FRAS1: variants seen among roughly 807,000 people sequenced by gnomAD.
FRAS1 encodes the protein extracellular matrix organizing protein FRAS1.
FRAS1 carries 290 observed loss-of-function variants against 435.2 expected under a neutral mutation model. The ratio of observed to expected loss-of-function variants is 0.67; its 90% CI spans 0.61 to 0.73. The LOEUF is 0.73. Among genes scored for constraint, FRAS1 ranks in the 30% least tolerant of loss-of-function variants. The pLI is 0.00. For synonymous variants in FRAS1, 1,800 were observed against 1,851.0 expected (o/e 0.97, Z 0.71); for missense variants, 4,860 against 5,001.5 (o/e 0.97, Z 0.85).
At chr4:78,105,823 T>C (rs1742388167) in intron 2 of FRAS1, among the ~76,000 whole-genome samples, 1 of 150,170 alleles carries the variant, frequency 6.7e-6, no homozygotes, top group East Asian at 1.9e-4. Flanking sequence ...TTTCTGCATT[T>C]CCATCTGAGG....
rs140454246 is a variant in FRAS1, at chr4:78,170,177, A to C, written c.109-67333A>C. Among the ~76,000 whole-genome samples, 456 of 152,152 alleles carry C rather than the reference A, an allele frequency of 3.0e-3. 1 individual carries two copies. The highest frequency in any genetic ancestry group is 0.02 in the Middle Eastern group (6 of 294). Reference sequence around the variant, plus strand: ...GCAACTAATTCGTTTCTTTCCTAGCACTTAGTCACAATTTGCCTTCATACC... The same window carrying C: ...GCAACTAATTCGTTTCTTTCCTAGCCCTTAGTCACAATTTGCCTTCATACC... On this transcript the variant is annotated intron_variant, in intron 2 of 73. Transcript: ENST00000512123.
intron 47 of FRAS1, among the ~76,000 whole-genome samples, chr4:78,459,582 A>G (rs982418479): frequency 6.6e-6 from 1 of 152,214 alleles, no homozygotes; most frequent in African/African-American, 2.4e-5. Context: ...TGTGAGACCA[A>G]CCAAAATAGG....
chr4:78,530,857 T>G (rs932905154), intron 70 of FRAS1, among the ~76,000 whole-genome samples: 14 of 152,202 alleles, frequency 9.2e-5, no homozygotes, highest in Admixed American at 5.2e-4. Context: ...TTAAAGTAGT[T>G]TTTTCTAATT....
chr4:78,284,492 G>T lies in FRAS1; in HGVS notation c.1343G>T (p.Gly448Val), dbSNP rs758286797. Residue 448 changes from glycine (G) to valine (V), a missense_variant, in exon 13 of 74, where the codon GGA becomes GTA. Transcript: ENST00000512123. ...CQDPTKLLQNGWCVHSCGLGF... is the reference protein window; with the variant it reads ...CQDPTKLLQNVWCVHSCGLGF... ...GATCCTACCAAGTTACTGCAGAATG[G>T]ATGGTGTGTGCACAGCTGTGGACTG... The T allele has an allele frequency of 1.6e-5, 26 of 1,613,870 alleles. No homozygotes were observed. The highest frequency in any genetic ancestry group is 2.1e-5 in the Non-Finnish European group (25 of 1,179,840).
intron 14 of FRAS1, among the ~76,000 whole-genome samples, chr4:78,303,122 C>T (rs1578238672): frequency 6.6e-6 from 1 of 152,264 alleles, no homozygotes; most frequent in Middle Eastern, 3.4e-3. Flanking sequence ...GGAATCCTTT[C>T]CCCATTGCTT....
chr4:78,420,726 G>A (rs547748865), intron 33 of FRAS1, among the ~76,000 whole-genome samples: 6 of 151,818 alleles, frequency 4.0e-5, no homozygotes, highest in South Asian at 4.2e-4. Flanking sequence ...AAGGACCTTT[G>A]AATTGAAACT....
chr4:78,339,394 G>A (rs1190965559), intron 20 of FRAS1, among the ~76,000 whole-genome samples: 1 of 152,210 alleles, frequency 6.6e-6, no homozygotes, highest in Non-Finnish European at 1.5e-5. Flanking sequence ...ACTTAAGGAG[G>A]TGAACCAAAG....
intron 29 of FRAS1, among the ~76,000 whole-genome samples, chr4:78,397,643 T>C (rs1346162353): frequency 1.3e-5 from 2 of 151,436 alleles, no homozygotes; most frequent in African/African-American, 2.4e-5. Flanking sequence ...GTTAGTATGA[T>C]CTGCAGCTGT....
chr4:78,253,660 C>A (rs2013770), intron 5 of FRAS1, among the ~76,000 whole-genome samples: 142,931 of 152,096 alleles, frequency 0.94, 67,665 homozygotes, highest in Non-Finnish European at 1. Flanking sequence ...TCAAGTGCAA[C>A]ACCTTGCACT....
At chr4:78,083,626 GTTT>G (rs35633131) in intron 2 of FRAS1, among the ~76,000 whole-genome samples, 4 of 108,286 alleles carry the variant, frequency 3.7e-5, no homozygotes, top group Admixed American at 1.1e-4. Flanking sequence ...TGCAAGTTCT[GTTT>G]TTTTTTTTTT....
At chr4:78,517,651 T>A (rs1405734234) in intron 66 of FRAS1, among the ~76,000 whole-genome samples, 2 of 152,342 alleles carry the variant, frequency 1.3e-5, no homozygotes, top group South Asian at 2.1e-4. Context: ...TCTCTGAACC[T>A]CTTCTGAAAT....
chr4:78,429,088 T>C lies in FRAS1; in HGVS notation c.4712-7T>C. 3 of 1,551,518 alleles carry C rather than the reference T, an allele frequency of 1.9e-6. No homozygotes were observed. The highest frequency in any genetic ancestry group is 2.6e-6 in the Non-Finnish European group (3 of 1,146,726). ...TCTCTGTGTGTGTGTGCATTTATCC[T>C]TTTTAGTTTCAGATGGAGAACACAC... On this transcript the variant is annotated splice_region_variant and splice_polypyrimidine_tract_variant and intron_variant, in intron 35 of 73. Transcript: ENST00000512123.
chr4:78,472,358 G>T (rs780477535), intron 52 of FRAS1, 28 bp downstream of exon 52: 5 of 1,558,784 alleles, frequency 3.2e-6, no homozygotes, highest in South Asian at 1.2e-5. Flanking sequence ...ACTTAGAAAT[G>T]GGAGAAATCT....
chr4:78,525,332 C>T (rs1388183225), intron 69 of FRAS1, among the ~76,000 whole-genome samples: 1 of 152,146 alleles, frequency 6.6e-6, no homozygotes, highest in Non-Finnish European at 1.5e-5. Context: ...GTCTCATTTC[C>T]TGCTGATCCA....
chr4:78,245,152 A>G, intron 3 of FRAS1, 81 bp from the exon 4 acceptor site: 1 of 915,800 alleles, frequency 1.1e-6, no homozygotes, highest in Non-Finnish European at 1.8e-6. Flanking sequence ...AGTGAATGTA[A>G]GATGACTTAG....
chr4:78,356,488 A>G (rs909784761), intron 20 of FRAS1, among the ~76,000 whole-genome samples: 2 of 152,216 alleles, frequency 1.3e-5, no homozygotes, highest in African/African-American at 2.4e-5. Flanking sequence ...AAGAGAAACC[A>G]CAAGTGTGTT....
At position 78,255,345 on chromosome 4, in the gene FRAS1, A is replaced by G; in HGVS notation, c.573A>G (p.Thr191=). The G allele has an allele frequency of 1.3e-6, 2 of 1,590,716 alleles. No homozygotes were observed. Among genetic ancestry groups the G allele is most frequent in the Non-Finnish European group, 1.7e-6 (2 of 1,168,086 alleles). The change falls in exon 6 of 74, where the codon ACA becomes ACG. Residue 191 remains threonine, a synonymous_variant. Transcript: ENST00000512123. ...LCRNGVAQCF[T]AQCQPLFCNQ... is the part of the protein sequence containing the mutation. ...GAAATGGGGTTGCCCAGTGCTTCACAGCTCAGTGTCAGCCTCTATTTTGTA... is the reference window on the plus strand; with the variant it reads ...GAAATGGGGTTGCCCAGTGCTTCACGGCTCAGTGTCAGCCTCTATTTTGTA...
In FRAS1 at chr4:78,471,070, G is replaced by A. The variant is rs190933044; in HGVS notation, c.7371+979G>A. 3.9e-3 allele frequency among the ~76,000 whole-genome samples: 589 copies of A among 152,150 alleles called. 2 individuals are homozygous for A. Among genetic ancestry groups the A allele is most frequent in the Non-Finnish European group, 6.3e-3 (426 of 68,012 alleles). ...GTCTACCATAAATGAGAAAGAAGCG[G>A]GGCATTTTTGTAGGTAAGTGTGCAC... On this transcript the variant is annotated intron_variant, in intron 51 of 73. Transcript: ENST00000512123.
rs34507669 is a variant in FRAS1, at chr4:78,515,067, C to CAAAAAAAAA, written c.10175-725_10175-717dup. 3.3e-3 allele frequency among the ~76,000 whole-genome samples: 455 copies of CAAAAAAAAA among 136,428 alleles called. 4 individuals are homozygous for CAAAAAAAAA. Among genetic ancestry groups the CAAAAAAAAA allele is most frequent in the Non-Finnish European group, 5.3e-3 (339 of 63,994 alleles). The allele number at this position is 136,428 out of a possible 152,430, so 89.5% of individuals were successfully genotyped here. On this transcript the variant is annotated intron_variant, in intron 65 of 73. Transcript: ENST00000512123. ...TGGGTGACAGAGTAAGACTCCATCT[C>CAAAAAAAAA]AAAAAAAAAAAAAAATTTAACCCTC...
Sources: allele counts gnomAD v4.1 joint callset (sites outside exome capture counted in the v4.1 genomes callset), GRCh38; gene constraint gnomAD v4.1.1; transcripts MANE v1.5; gene names NCBI Gene and HGNC (gene_info 2026-07-23, HGNC 2026-07-21).